The following SCHIP1 variants were observed in gnomAD, a reference collection of about 807,000 sequenced individuals.
SCHIP1 encodes schwannomin-interacting protein 1.
SCHIP1 carries 8 observed loss-of-function variants against 29.7 expected under a neutral mutation model. That is an observed-to-expected ratio of 0.27 (90% confidence interval 0.16 to 0.49). The LOEUF (loss-of-function observed/expected upper bound fraction) is 0.49. SCHIP1 is among the 20% of genes least tolerant of loss of function. The probability of loss-of-function intolerance (pLI) is 0.99; values close to 1 mark genes in which losing one functional copy is unlikely to be tolerated. For synonymous variants in SCHIP1, 76 were observed against 94.9 expected (o/e 0.80, Z 1.16); for missense variants, 193 against 294.6 (o/e 0.66, Z 2.52).
At chr3:159,404,489 T>C in the SCHIP1 span, among the ~76,000 whole-genome samples, 1 of 152,118 alleles carries the variant, frequency 6.6e-6, no homozygotes, top group Non-Finnish European at 1.5e-5. Flanking sequence ...ACTTCAGTAG[T>C]AGTCAGGAAG....
intron 1 of SCHIP1, among the ~76,000 whole-genome samples, chr3:159,864,776 C>A (rs994835983): frequency 2.6e-5 from 4 of 152,110 alleles, no homozygotes; most frequent in African/African-American, 9.7e-5. Flanking sequence ...GAACCACTGT[C>A]TTAGCTGTAC....
At chr3:159,385,742 T>C in the SCHIP1 span, among the ~76,000 whole-genome samples, 1 of 152,176 alleles carries the variant, frequency 6.6e-6, no homozygotes, top group Non-Finnish European at 1.5e-5. Context: ...CTGGGATACA[T>C]GTGCAGAACG....
the SCHIP1 span, among the ~76,000 whole-genome samples, chr3:159,767,414 G>C: frequency 6.6e-6 from 1 of 152,166 alleles, no homozygotes; most frequent in South Asian, 2.1e-4. Flanking sequence ...ATCCTGTTTA[G>C]TGCTGCCTGG....
chr3:159,731,051 T>C, the SCHIP1 span, among the ~76,000 whole-genome samples: 1 of 152,204 alleles, frequency 6.6e-6, no homozygotes, highest in Non-Finnish European at 1.5e-5. Context: ...GACTCTATAA[T>C]CAAGCGCCAA....
At chr3:159,356,106 C>A in the SCHIP1 span, among the ~76,000 whole-genome samples, 2 of 152,078 alleles carry the variant, frequency 1.3e-5, no homozygotes, top group Admixed American at 1.3e-4. Flanking sequence ...ATACCTAATG[C>A]TAGATGACGA....
Position 159,858,027 on chromosome 3 carries a change from A to G in SCHIP1, c.31-8136A>G, listed in dbSNP as rs558694562. 3.5e-4 allele frequency among the ~76,000 whole-genome samples: 53 copies of G among 152,312 alleles called. 1 individual carries two copies. The South Asian group carries it at 9.7e-3, about 28-fold the overall frequency. On this transcript the variant is annotated intron_variant, in intron 1 of 6. Coordinates refer to ENST00000445224, the Ensembl canonical transcript of SCHIP1. ...TTCTACACAGGAGGTTGAGGACACC[A>G]GCTTCCTGGCTGCTGATTAAGGCTT...
At chr3:159,358,575 C>G in the SCHIP1 span, among the ~76,000 whole-genome samples, 2 of 152,278 alleles carry the variant, frequency 1.3e-5, no homozygotes, top group African/African-American at 4.8e-5. Flanking sequence ...AGTCTCTGCA[C>G]TTCCCAAAAA....
At chr3:159,285,668 T>A in the SCHIP1 span, among the ~76,000 whole-genome samples, 1 of 152,174 alleles carries the variant, frequency 6.6e-6, no homozygotes, top group East Asian at 1.9e-4. Flanking sequence ...TCAATTTTTA[T>A]TCTGTTGGTA....
chr3:159,345,964 G>A, the SCHIP1 span, among the ~76,000 whole-genome samples: 337 of 152,094 alleles, frequency 2.2e-3, 2 homozygotes, highest in African/African-American at 7.7e-3. Flanking sequence ...GAGGCTGAAG[G>A]GGGCAGATCA....
At chr3:159,680,050 G>A in the SCHIP1 span, among the ~76,000 whole-genome samples, 1 of 151,694 alleles carries the variant, frequency 6.6e-6, no homozygotes, top group Non-Finnish European at 1.5e-5. Flanking sequence ...ACTTCCCACC[G>A]AGAAACACAC....
At chr3:159,505,661 C>G in the SCHIP1 span, among the ~76,000 whole-genome samples, 1 of 152,108 alleles carries the variant, frequency 6.6e-6, no homozygotes, top group African/African-American at 2.4e-5. Context: ...GTGATGTTCC[C>G]CTTCCTGTGT....
the SCHIP1 span, among the ~76,000 whole-genome samples, chr3:159,475,839 G>GA: frequency 6.6e-6 from 1 of 152,168 alleles, no homozygotes; most frequent in Non-Finnish European, 1.5e-5. Flanking sequence ...GCTGGGAGTA[G>GA]AAACAGGAAT....
chr3:159,385,914 C>T, the SCHIP1 span, among the ~76,000 whole-genome samples: 17 of 152,018 alleles, frequency 1.1e-4, no homozygotes, highest in Admixed American at 1.1e-3. Context: ...CCTCATTATT[C>T]AACTCCCACT....
At chr3:159,404,124 G>A in the SCHIP1 span, among the ~76,000 whole-genome samples, 3 of 152,194 alleles carry the variant, frequency 2.0e-5, no homozygotes, top group African/African-American at 7.2e-5. Flanking sequence ...ATAATTAGTA[G>A]CAATAGCCAG....
At chr3:159,384,316 G>C in the SCHIP1 span, among the ~76,000 whole-genome samples, 1 of 151,966 alleles carries the variant, frequency 6.6e-6, no homozygotes, top group South Asian at 2.1e-4. Flanking sequence ...TTTTTAGCAT[G>C]AAGCGTTGTT....
At chr3:159,714,608 G>T in the SCHIP1 span, among the ~76,000 whole-genome samples, 2 of 152,246 alleles carry the variant, frequency 1.3e-5, no homozygotes, top group Non-Finnish European at 2.9e-5. Flanking sequence ...TCCCGTGCCT[G>T]GCTCGGAGGG....
chr3:159,334,380 A>G, the SCHIP1 span, among the ~76,000 whole-genome samples: 1 of 152,188 alleles, frequency 6.6e-6, no homozygotes, highest in Non-Finnish European at 1.5e-5. Flanking sequence ...GCTTGCTCCC[A>G]TATCAGTGCT....
At chr3:159,866,103 G>C in intron 1 of SCHIP1, 60 bp from the exon 3 acceptor site, 2 of 1,444,810 alleles carry the variant, frequency 1.4e-6, no homozygotes, top group Non-Finnish European at 1.9e-6. Context: ...AAGTTAGACT[G>C]CCTGTGGTTG....
At chr3:159,667,282 C>G in the SCHIP1 span, among the ~76,000 whole-genome samples, 1 of 152,174 alleles carries the variant, frequency 6.6e-6, no homozygotes, top group Non-Finnish European at 1.5e-5. Flanking sequence ...AGATGACCAG[C>G]CTTTGTACCC....
Sources: allele counts gnomAD v4.1 joint callset (sites outside exome capture counted in the v4.1 genomes callset), GRCh38; gene constraint gnomAD v4.1.1; transcripts MANE v1.5; gene names NCBI Gene and HGNC (gene_info 2026-07-23, HGNC 2026-07-21).